The following MAGI3 variants were observed in gnomAD, a reference collection of about 807,000 sequenced individuals.
MAGI3 encodes the protein membrane associated guanylate kinase, WW and PDZ domain containing 3.
In MAGI3, 43 loss-of-function variants were observed where a neutral mutation model predicts 121.8. The ratio of observed to expected loss-of-function variants is 0.35; its 90% CI spans 0.28 to 0.46. The LOEUF (loss-of-function observed/expected upper bound fraction) is 0.46, where lower values mean the gene tolerates loss of function less well. Among genes scored for constraint, MAGI3 ranks in the 20% least tolerant of loss-of-function variants. MAGI3 has a pLI of 1.00. For synonymous variants in MAGI3, 553 were observed against 639.3 expected, an observed-to-expected ratio of 0.86 and a Z score of 2.04; for missense variants, 1,547 against 1,797.3, an observed-to-expected ratio of 0.86 and a Z score of 2.52.
At position 113,451,468 on chromosome 1, in the gene MAGI3, C is replaced by T. The variant is rs564845908; in HGVS notation, c.316+60119C>T. On this transcript the variant is annotated intron_variant, in intron 1 of 20. Transcript: ENST00000307546. The stretch of plus-strand genomic sequence containing the variant: ...ATATTATATATTTTAAAACTCCCTA[C>T]ATATGCAGTTTTATCACCCTTCTCA... Among the ~76,000 whole-genome samples the T allele has an allele frequency of 2.6e-4, 40 of 152,270 alleles. 1 individual carries two copies. Among genetic ancestry groups the T allele is most frequent in the African/African-American group, 9.6e-4 (40 of 41,568 alleles).
intron 1 of MAGI3, among the ~76,000 whole-genome samples, chr1:113,424,089 G>T (rs1652874750): frequency 6.6e-6 from 1 of 152,146 alleles, no homozygotes; most frequent in East Asian, 1.9e-4. Flanking sequence ...CTGCACTAGG[G>T]AGTGCGGGCT....
At chr1:113,655,984 C>G (rs1653447586) in intron 15 of MAGI3, among the ~76,000 whole-genome samples, 1 of 152,090 alleles carries the variant, frequency 6.6e-6, no homozygotes, top group South Asian at 2.1e-4. Flanking sequence ...TTCATCAATA[C>G]TTAATAATGA....
intron 6 of MAGI3, among the ~76,000 whole-genome samples, chr1:113,602,087 G>A (rs1391366323): frequency 1.1e-5 from 1 of 90,608 alleles, no homozygotes; most frequent in Admixed American, 9.8e-5. Flanking sequence ...TGGGGGGAGT[G>A]GGAAGGGATA....
In MAGI3 at chr1:113,480,703, G is replaced by A. The variant is rs532259500; in HGVS notation, c.317-68812G>A. Among the ~76,000 whole-genome samples the A allele has an allele frequency of 2.6e-5, 4 of 152,314 alleles. No individual in the cohort carries two copies. The East Asian group carries it at 7.7e-4, about 29-fold the overall frequency. On this transcript the variant is annotated intron_variant, in intron 1 of 20. Transcript: ENST00000307546. The stretch of plus-strand genomic sequence containing the variant: ...CTTCAGTGTGCCTTCTTATTTCCAT[G>A]CTTCACTGAGGTGCTATACTTTCTC...
intron 16 of MAGI3, among the ~76,000 whole-genome samples, chr1:113,671,167 T>C (rs916589837): frequency 1.3e-5 from 2 of 152,198 alleles, no homozygotes; most frequent in Admixed American, 6.5e-5. Context: ...ATTTGTGTTC[T>C]GAGAAAATGG....
chr1:113,637,885 G>T lies in MAGI3; in HGVS notation c.1361-4026G>T, dbSNP rs577016237. Among the ~76,000 whole-genome samples, 1,404 of 152,194 alleles carry T rather than the reference G, an allele frequency of 9.2e-3. 12 individuals are homozygous for T. Among genetic ancestry groups the T allele is most frequent in the Middle Eastern group, 0.017 (5 of 292 alleles). ...GGTACACCAATCAGATGTAGATTTGGTCTTTTCACATAGTCCCATATTTCT... is the reference window on the plus strand; with the variant it reads ...GGTACACCAATCAGATGTAGATTTGTTCTTTTCACATAGTCCCATATTTCT... On this transcript the variant is annotated intron_variant, in intron 9 of 20. Transcript: ENST00000307546.
intron 2 of MAGI3, among the ~76,000 whole-genome samples, chr1:113,549,885 G>A (rs539328120): frequency 3.3e-5 from 5 of 152,106 alleles, no homozygotes; most frequent in Admixed American, 6.5e-5. Flanking sequence ...TTGGGAGGCC[G>A]AGGTGGGTGG....
At chr1:113,643,207 G>T (rs554555947) in intron 10 of MAGI3, among the ~76,000 whole-genome samples, 1 of 152,312 alleles carries the variant, frequency 6.6e-6, no homozygotes, top group African/African-American at 2.4e-5. Flanking sequence ...ATACTTATAA[G>T]TGACTAGTAT....
intron 20 of MAGI3, chr1:113,682,157 C>G: frequency 2.6e-6 from 3 of 1,157,252 alleles, no homozygotes; most frequent in Non-Finnish European, 3.6e-6. Context: ...GCTAACTGCA[C>G]TGATTTTTTT....
intron 1 of MAGI3, among the ~76,000 whole-genome samples, chr1:113,440,261 C>G (rs1380760437): frequency 6.6e-6 from 1 of 152,120 alleles, no homozygotes; most frequent in African/African-American, 2.4e-5. Flanking sequence ...GGTAGTTGAT[C>G]TTATCATAGC....
intron 2 of MAGI3, among the ~76,000 whole-genome samples, chr1:113,562,681 G>A (rs575571557): frequency 6.6e-6 from 1 of 152,334 alleles, no homozygotes; most frequent in South Asian, 2.1e-4. Flanking sequence ...ACTGGGGCCT[G>A]TTGGAGGGTT....
At chr1:113,439,910 G>A (rs571813776) in intron 1 of MAGI3, among the ~76,000 whole-genome samples, 66 of 150,454 alleles carry the variant, frequency 4.4e-4, no homozygotes, top group South Asian at 8.4e-4. Flanking sequence ...TTGACTCTAC[G>A]GTCTCCGGTT....
intron 6 of MAGI3, among the ~76,000 whole-genome samples, chr1:113,599,549 T>C (rs960205361): frequency 1.3e-5 from 2 of 151,984 alleles, no homozygotes; most frequent in African/African-American, 2.4e-5. Context: ...AGTAGACCAA[T>C]AACAGGCTCT....
chr1:113,521,409 TTTTG>T (rs1317825237), intron 1 of MAGI3, among the ~76,000 whole-genome samples: 4 of 113,628 alleles, frequency 3.5e-5, no homozygotes, highest in East Asian at 3.7e-4. Flanking sequence ...TTTTTTTGTT[TTTTG>T]TTTTTTGTTT....
chr1:113,479,805 A>T (rs1656026033), intron 1 of MAGI3, among the ~76,000 whole-genome samples: 1 of 151,432 alleles, frequency 6.6e-6, no homozygotes, highest in Admixed American at 6.6e-5. Flanking sequence ...TGTTCCTCTG[A>T]CTGGGTAATT....
chr1:113,596,093 A>G (rs1360169193), intron 6 of MAGI3, among the ~76,000 whole-genome samples: 1 of 152,100 alleles, frequency 6.6e-6, no homozygotes, highest in Non-Finnish European at 1.5e-5. Flanking sequence ...TTCATTAGCC[A>G]AAGAACCTTA....
At chr1:113,654,916 A>G (rs920310468) in intron 15 of MAGI3, among the ~76,000 whole-genome samples, 3 of 152,232 alleles carry the variant, frequency 2.0e-5, no homozygotes, top group African/African-American at 7.2e-5. Flanking sequence ...GTTTAAAAAA[A>G]AGAAAACACT....
intron 2 of MAGI3, among the ~76,000 whole-genome samples, chr1:113,575,134 T>C (rs948195493): frequency 6.6e-6 from 1 of 152,186 alleles, no homozygotes; most frequent in Non-Finnish European, 1.5e-5. Context: ...GGTTAGAAGA[T>C]GGTCCTTTAG....
At chr1:113,421,750 A>T (rs1652742853) in intron 1 of MAGI3, among the ~76,000 whole-genome samples, 1 of 152,238 alleles carries the variant, frequency 6.6e-6, no homozygotes, top group African/African-American at 2.4e-5. Flanking sequence ...TAAAACAAGG[A>T]ACCAGATATA....
Sources: allele counts gnomAD v4.1 joint callset (sites outside exome capture counted in the v4.1 genomes callset), GRCh38; gene constraint gnomAD v4.1.1; transcripts MANE v1.5; gene names NCBI Gene and HGNC (gene_info 2026-07-23, HGNC 2026-07-21).